Variants in CDYL2 observed in about 807,000 individuals in gnomAD.
CDYL2 encodes chromodomain Y-like protein 2.
CDYL2 carries 23 observed loss-of-function variants against 49.4 expected under a neutral mutation model. The observed-to-expected ratio is 0.47, with a 90% CI of 0.34 to 0.66. The LOEUF (loss-of-function observed/expected upper bound fraction) is 0.66. Among genes scored for constraint, CDYL2 ranks in the 30% least tolerant of loss-of-function variants. The probability of loss-of-function intolerance (pLI) is 0.01; values close to 1 mark genes in which losing one functional copy is unlikely to be tolerated. For synonymous variants in CDYL2, 360 were observed against 268.8 expected (o/e 1.34, Z -3.32); for missense variants, 678 against 656.4 (o/e 1.03, Z -0.36).
chr16:80,774,833 G>A (rs1184181257), intron 1 of CDYL2, among the ~76,000 whole-genome samples: 1 of 151,496 alleles, frequency 6.6e-6, no homozygotes, highest in South Asian at 2.1e-4. Context: ...GGTAAGAGTA[G>A]TAAGATACAT....
At chr16:80,748,562 T>C (rs1469067348) in intron 1 of CDYL2, among the ~76,000 whole-genome samples, 1 of 130,164 alleles carries the variant, frequency 7.7e-6, no homozygotes, top group Admixed American at 8.6e-5. Flanking sequence ...GATGTAGAGC[T>C]ATTCACTCAA....
intron 1 of CDYL2, among the ~76,000 whole-genome samples, chr16:80,712,055 GTGTGTGTATAGA>G (rs1275685460): frequency 6.7e-6 from 1 of 150,122 alleles, no homozygotes; most frequent in African/African-American, 2.5e-5. Flanking sequence ...GTATATAGAT[GTGTGTGTATAGA>G]TGTGTGTATA....
intron 1 of CDYL2, among the ~76,000 whole-genome samples, chr16:80,689,100 T>C (rs1910311702): frequency 6.6e-6 from 1 of 151,028 alleles, no homozygotes; most frequent in Non-Finnish European, 1.5e-5. Flanking sequence ...ATGAATGACA[T>C]TAGAAAATCC....
chr16:80,651,975 T>C (rs887131732), intron 2 of CDYL2, among the ~76,000 whole-genome samples: 3 of 152,108 alleles, frequency 2.0e-5, no homozygotes, highest in Admixed American at 6.5e-5. Context: ...CGGGTTAGAG[T>C]TGCAAACACC....
At chr16:80,761,268 G>C (rs1346469697) in intron 1 of CDYL2, among the ~76,000 whole-genome samples, 1 of 152,184 alleles carries the variant, frequency 6.6e-6, no homozygotes, top group East Asian at 1.9e-4. Flanking sequence ...TTACCAGGCA[G>C]CCATCTGGGT....
In CDYL2 at chr16:80,605,462, CCAT is replaced by C. The variant is rs1333822963; in HGVS notation, c.1363-919_1363-917del. Among the ~76,000 whole-genome samples, 7 of 148,512 alleles carry C rather than the reference CCAT, an allele frequency of 4.7e-5. No individual in the cohort carries two copies. In the South Asian group the frequency reaches 6.3e-4, roughly 13 times the overall value. On this transcript the variant is annotated intron_variant, in intron 6 of 6. Transcript: ENST00000570137. Reference sequence around the variant, plus strand: ...CACAGTGTTACTATGATGATTACTACCATCATCATAGTAATGAGCAATAATCAT... The same window carrying C: ...CACAGTGTTACTATGATGATTACTACCATCATAGTAATGAGCAATAATCAT...
chr16:80,740,928 T>C (rs1905711374), intron 1 of CDYL2, among the ~76,000 whole-genome samples: 1 of 151,836 alleles, frequency 6.6e-6, no homozygotes, highest in Non-Finnish European at 1.5e-5. Context: ...ATGTTAATTT[T>C]TTCAACTTAA....
rs1196310263 is a variant in CDYL2, at chr16:80,771,446, G to C, written c.24+32704C>G. Among the ~76,000 whole-genome samples the C allele has an allele frequency of 2.6e-5, 4 of 152,250 alleles. No homozygotes were observed. In the East Asian group the frequency reaches 7.7e-4, roughly 29 times the overall value. On this transcript the variant is annotated intron_variant, in intron 1 of 6. Transcript: ENST00000570137. ...CTGGCCAGTGCAGTAGATCACCCCT[G>C]TAATCCCAGCACTTCGGGAGGCCGA...
intron 1 of CDYL2, among the ~76,000 whole-genome samples, chr16:80,771,847 G>C (rs916460381): frequency 1.3e-5 from 2 of 152,030 alleles, no homozygotes; most frequent in Non-Finnish European, 2.9e-5. Flanking sequence ...CTAGAAACCA[G>C]ATTTAAAAAT....
chr16:80,616,595 G>A (rs554263428), intron 4 of CDYL2, among the ~76,000 whole-genome samples: 1 of 152,182 alleles, frequency 6.6e-6, no homozygotes, highest in East Asian at 1.9e-4. Context: ...AAGTCAGCCA[G>A]TACGGGACCA....
At chr16:80,756,347 C>G (rs1011357530) in intron 1 of CDYL2, among the ~76,000 whole-genome samples, 2 of 151,526 alleles carry the variant, frequency 1.3e-5, no homozygotes, top group Non-Finnish European at 2.9e-5. Context: ...TGAGAAAACA[C>G]AAACACACAC....
intron 1 of CDYL2, among the ~76,000 whole-genome samples, chr16:80,721,299 T>A (rs1904990538): frequency 6.6e-6 from 1 of 152,356 alleles, no homozygotes; most frequent in Non-Finnish European, 1.5e-5. Flanking sequence ...CATTCCCATT[T>A]GATACCTAAG....
Position 80,598,239 on chromosome 16 carries a change from A to G in CDYL2, c.*6149T>C, listed in dbSNP as rs543918019. 6.6e-6 allele frequency: 1 copy of G among 151,766 alleles called. No homozygotes were observed. The highest frequency in any genetic ancestry group is 2.0e-4 in the East Asian group (1 of 5,120). The allele number at this position is 151,766 out of a possible 1,614,324, so 9.4% of individuals were successfully genotyped here. On this transcript the variant is annotated 3_prime_UTR_variant, in exon 7 of 7. Coordinates refer to ENST00000570137, the MANE Select transcript of CDYL2 (RefSeq NM_152342.4). ...TCCCATGATAATCTGGCAAAATAAAACAAGTAGCCTAATTTTGCAAAGGTC... is the reference window on the plus strand; with the variant it reads ...TCCCATGATAATCTGGCAAAATAAAGCAAGTAGCCTAATTTTGCAAAGGTC...
chr16:80,786,425 C>T (rs1480059977), intron 1 of CDYL2, among the ~76,000 whole-genome samples: 4 of 152,278 alleles, frequency 2.6e-5, no homozygotes, highest in Admixed American at 6.5e-5. Flanking sequence ...TACCATCTCA[C>T]GCCAGTTAGA....
At chr16:80,656,731 G>C (rs1567558418) in intron 2 of CDYL2, among the ~76,000 whole-genome samples, 1 of 152,148 alleles carries the variant, frequency 6.6e-6, no homozygotes, top group Non-Finnish European at 1.5e-5. Flanking sequence ...GAGTCAATAA[G>C]ATGAAGCCGG....
At chr16:80,696,032 G>A (rs1420801765) in intron 1 of CDYL2, among the ~76,000 whole-genome samples, 1 of 152,144 alleles carries the variant, frequency 6.6e-6, no homozygotes, top group East Asian at 1.9e-4. Flanking sequence ...TTTAAAAATT[G>A]AAATCATATC....
chr16:80,801,595 T>A (rs1335653175), intron 1 of CDYL2, among the ~76,000 whole-genome samples: 1 of 152,198 alleles, frequency 6.6e-6, no homozygotes, highest in Non-Finnish European at 1.5e-5. Flanking sequence ...GTTTCTTGAG[T>A]AGAGATTGCG....
chr16:80,683,112 C>T (rs1410525874), intron 2 of CDYL2, among the ~76,000 whole-genome samples: 2 of 152,192 alleles, frequency 1.3e-5, no homozygotes, highest in African/African-American at 2.4e-5. Flanking sequence ...GTGTTGGCCT[C>T]ATCACCCCAA....
At chr16:80,765,818 A>G (rs1032751241) in intron 1 of CDYL2, among the ~76,000 whole-genome samples, 33 of 130,912 alleles carry the variant, frequency 2.5e-4, no homozygotes, top group Non-Finnish European at 1.7e-4. Context: ...AGGTGGGAGG[A>G]TCTCTTGAGC....
Sources: gnomAD v4.1 joint callset for allele counts (sites outside exome capture counted in the v4.1 genomes callset) on GRCh38, gnomAD v4.1.1 for gene constraint, MANE v1.5 for transcripts, NCBI Gene and HGNC (gene_info 2026-07-23, HGNC 2026-07-21) for gene names.